RBFOX1: variants seen among roughly 807,000 people sequenced by gnomAD.
The protein encoded by RBFOX1 is RNA binding protein fox-1 homolog 1.
RBFOX1 carries 8 observed loss-of-function variants against 57.7 expected under a neutral mutation model. That is an observed-to-expected ratio of 0.14 (90% CI 0.08 to 0.25). RBFOX1 has a LOEUF of 0.25. Ranked by LOEUF, RBFOX1 falls within the 10% of genes least tolerant of loss-of-function variation. The probability of loss-of-function intolerance (pLI) is 1.00; values close to 1 mark genes in which losing one functional copy is unlikely to be tolerated. For missense variants in RBFOX1, 611 were observed against 548.5 expected, an observed-to-expected ratio of 1.11 and a Z score of -1.14; for synonymous variants, 326 against 222.4, an observed-to-expected ratio of 1.47 and a Z score of -4.15.
chr16:7,200,491 G>A (rs1320703918), intron 4 of RBFOX1, among the ~76,000 whole-genome samples: 1 of 152,212 alleles, frequency 6.6e-6, no homozygotes, highest in African/African-American at 2.4e-5. Flanking sequence ...TAGGCACTAA[G>A]GATGATGTTG....
chr16:5,901,427 C>G (rs926399911), intron 4 of RBFOX1, among the ~76,000 whole-genome samples: 9 of 152,194 alleles, frequency 5.9e-5, no homozygotes, highest in Non-Finnish European at 8.8e-5. Flanking sequence ...TAACTCCTAG[C>G]TTAAGCTCAA....
chr16:7,671,635 A>G (rs566012441), intron 13 of RBFOX1: 23 of 1,580,608 alleles, frequency 1.5e-5, no homozygotes, highest in Middle Eastern at 1.7e-4. Flanking sequence ...ACTCATCACT[A>G]TGATTGTGGG....
intron 1 of RBFOX1, among the ~76,000 whole-genome samples, chr16:5,388,734 C>T (rs986408799): frequency 1.3e-5 from 2 of 151,812 alleles, no homozygotes; most frequent in Non-Finnish European, 2.9e-5. Flanking sequence ...GCCACCATGC[C>T]CAGCTAATTT....
chr16:7,624,103 G>C (rs1165808806), intron 10 of RBFOX1, among the ~76,000 whole-genome samples: 2 of 152,168 alleles, frequency 1.3e-5, no homozygotes, highest in Admixed American at 6.5e-5. Context: ...AAAGGACTTA[G>C]TTGTTCTGTG....
At chr16:5,926,945 G>A (rs2058951557) in intron 4 of RBFOX1, among the ~76,000 whole-genome samples, 1 of 152,176 alleles carries the variant, frequency 6.6e-6, no homozygotes, top group Non-Finnish European at 1.5e-5. Flanking sequence ...GAGTTGGGAT[G>A]TGAATGCGTG....
intron 4 of RBFOX1, among the ~76,000 whole-genome samples, chr16:7,186,352 A>G (rs1180249144): frequency 2.0e-5 from 1 of 51,052 alleles, no homozygotes; most frequent in African/African-American, 1.4e-4. Flanking sequence ...AAATATAAAC[A>G]TAAACATATT....
At chr16:6,776,325 G>C (rs1352172948) in intron 3 of RBFOX1, among the ~76,000 whole-genome samples, 9 of 152,028 alleles carry the variant, frequency 5.9e-5, no homozygotes, top group South Asian at 2.1e-4. Context: ...GCAGGAGAAT[G>C]GTGTGAACCC....
intron 1 of RBFOX1, among the ~76,000 whole-genome samples, chr16:5,461,835 G>C (rs1420311854): frequency 6.6e-6 from 1 of 152,166 alleles, no homozygotes; most frequent in Non-Finnish European, 1.5e-5. Context: ...TTTCTGAGAA[G>C]GGCCAGGCAT....
intron 4 of RBFOX1, among the ~76,000 whole-genome samples, chr16:7,202,525 G>C (rs1160616669): frequency 6.6e-6 from 1 of 152,186 alleles, no homozygotes; most frequent in Non-Finnish European, 1.5e-5. Flanking sequence ...CAGTCCCTGG[G>C]TCATGTAGTG....
At chr16:7,142,495 AC>A in intron 4 of RBFOX1, among the ~76,000 whole-genome samples, 2 of 152,102 alleles carry the variant, frequency 1.3e-5, no homozygotes, top group South Asian at 4.2e-4. Flanking sequence ...ATTGTGTCCT[AC>A]CCCTGAGTGT....
intron 3 of RBFOX1, among the ~76,000 whole-genome samples, chr16:6,831,901 C>A (rs992359113): frequency 6.6e-6 from 1 of 152,158 alleles, no homozygotes; most frequent in East Asian, 1.9e-4. Context: ...CAATGTCTTA[C>A]TTCTGACGAA....
Position 6,534,753 on chromosome 16 carries a change from A to G in RBFOX1, c.-63-119850A>G, listed in dbSNP as rs7205405. ...AGAGGGAGAAGGGAATTTTCTAAGG[A>G]GATGGCATTTCTATGCACTTTGACT... is the stretch of plus-strand genomic sequence containing the variant. On this transcript the variant is annotated intron_variant, in intron 2 of 15. Transcript: ENST00000550418. Among the ~76,000 whole-genome samples, 805 of 152,240 alleles carry G rather than the reference A, an allele frequency of 5.3e-3. 7 individuals carry two copies. Among genetic ancestry groups the G allele is most frequent in the African/African-American group, 0.019 (781 of 41,538 alleles).
At chr16:6,018,202 G>GAGGGAGGAAGGA (rs2095010468), upstream of RBFOX1, among the ~76,000 whole-genome samples, 2 of 152,026 alleles carry the variant, frequency 1.3e-5, no homozygotes, top group African/African-American at 4.8e-5. Context: ...GGAAGAAAGG[G>GAGGGAGGAAGGA]AGGGAGGAAG....
At chr16:6,459,698 C>A (rs142254960) in intron 2 of RBFOX1, among the ~76,000 whole-genome samples, 2 of 151,992 alleles carry the variant, frequency 1.3e-5, no homozygotes, top group East Asian at 3.9e-4. Context: ...TTGCTCTTGC[C>A]GGGCACAGTG....
At chr16:6,467,086 A>G (rs902755851) in intron 2 of RBFOX1, among the ~76,000 whole-genome samples, 13 of 151,102 alleles carry the variant, frequency 8.6e-5, no homozygotes, top group African/African-American at 2.9e-4. Context: ...CTAACCATTT[A>G]ATGTAATATA....
At position 5,947,143 on chromosome 16, in the gene RBFOX1, G is replaced by A. The variant is rs535538817; in HGVS notation, c.351+79808G>A. Among the ~76,000 whole-genome samples, 4 of 152,264 alleles carry A rather than the reference G, an allele frequency of 2.6e-5. No homozygotes were observed. In the South Asian group the frequency reaches 8.3e-4, roughly 32 times the overall value. On this transcript the variant is annotated intron_variant, in intron 4 of 19. Transcript: ENST00000641259. This position sits in a 1 kb window ranked among gnomAD's most constrained non-coding sequence, Gnocchi z 7.2. ...AGGTAGGAGGATCATGTGAACTCAG[G>A]AGGTTGAGGTTGCAGCGAGCCGTGA...
intron 3 of RBFOX1, among the ~76,000 whole-genome samples, chr16:6,936,924 A>C (rs973600143): frequency 2.5e-4 from 28 of 113,848 alleles, no homozygotes; most frequent in African/African-American, 9.6e-4. Flanking sequence ...TGTCCATGTG[A>C]TCTCATTGGG....
At chr16:7,058,145 G>C (rs1389559927) in intron 4 of RBFOX1, among the ~76,000 whole-genome samples, 1 of 151,824 alleles carries the variant, frequency 6.6e-6, no homozygotes, top group Non-Finnish European at 1.5e-5. Context: ...TCAAAATATA[G>C]GACACCTACC....
intron 1 of RBFOX1, among the ~76,000 whole-genome samples, chr16:6,043,120 G>GAAAAAAAAAAAAAAAAAA (rs570358262): frequency 1.0e-4 from 7 of 70,236 alleles, no homozygotes; most frequent in Admixed American, 2.0e-4. Flanking sequence ...TGTGTTTCCA[G>GAAAAAAAAAAAAAAAAAA]AAAAAAAAAA....
Sources: gnomAD v4.1 joint callset for allele counts (sites outside exome capture counted in the v4.1 genomes callset) on GRCh38, gnomAD v4.1.1 for gene constraint, Gnocchi (gnomAD v3.1) non-coding constraint, MANE v1.5 for transcripts, NCBI Gene and HGNC (gene_info 2026-07-23, HGNC 2026-07-21) for gene names.